Variants in PIGB observed in about 807,000 individuals in gnomAD.
The protein encoded by PIGB is phosphatidylinositol glycan anchor biosynthesis class B, also known as GPI alpha-1,2-mannosyltransferase 3.
In PIGB, 58 loss-of-function variants were observed where a neutral mutation model predicts 68.4. The observed-to-expected ratio is 0.85, with a 90% CI of 0.69 to 1.06. The LOEUF (loss-of-function observed/expected upper bound fraction) is 1.06. PIGB is among the 50% of genes least tolerant of loss of function. PIGB has a pLI of 0.00. For synonymous variants in PIGB, 219 were observed against 220.5 expected (o/e 0.99, Z 0.06); for missense variants, 634 against 655.8 (o/e 0.97, Z 0.36).
intron 4 of PIGB, among the ~76,000 whole-genome samples, chr15:55,328,781 C>A (rs1271421297): frequency 6.6e-6 from 1 of 152,146 alleles, no homozygotes; most frequent in African/African-American, 2.4e-5. Flanking sequence ...GCCTGGCCAA[C>A]ACGGTGAAAC....
chr15:55,333,785 G>A, intron 5 of PIGB, 82 bp from the exon 6 acceptor site: 2 of 1,031,684 alleles, frequency 1.9e-6, no homozygotes, highest in South Asian at 2.2e-5. Context: ...ATACCAAAAG[G>A]AAAATGTCAA....
chr15:55,321,903 G>A lies in PIGB; in HGVS notation c.417+513G>A, dbSNP rs574815709. 4.0e-5 allele frequency among the ~76,000 whole-genome samples: 6 copies of A among 148,580 alleles called. No homozygotes were observed. The East Asian group carries it at 6.2e-4, about 15-fold the overall frequency. On this transcript the variant is annotated intron_variant, in intron 3 of 11. Coordinates refer to ENST00000164305, the MANE Select transcript of PIGB (RefSeq NM_004855.5). The stretch of plus-strand genomic sequence containing the variant: ...CCGACCTGAGGTGATCTGCCCGTGC[G>A]GTGGCTCACACCTGTAATCCCAGCA...
chr15:55,345,527 G>A (rs1366348858), intron 9 of PIGB, among the ~76,000 whole-genome samples: 1 of 152,212 alleles, frequency 6.6e-6, no homozygotes, highest in Non-Finnish European at 1.5e-5. Context: ...GGGAGGCTGA[G>A]GTGGGTGGAT....
chr15:55,324,829 C>G, intron 3 of PIGB: 6 of 984,236 alleles, frequency 6.1e-6, no homozygotes, highest in Non-Finnish European at 7.2e-6. Flanking sequence ...GCAGAGTAAA[C>G]AGAAGGTATG....
chr15:55,333,851 C>A lies in PIGB; in HGVS notation c.654-16C>A. ...TTAATTTCCCACTTGTCTTATCACA[C>A]ATTTTCCTCTTATAGTGTCAAATAC... On this transcript the variant is annotated splice_polypyrimidine_tract_variant and intron_variant, in intron 5 of 11. Coordinates refer to ENST00000164305, the MANE Select transcript of PIGB (RefSeq NM_004855.5). 1 of 1,530,180 alleles carries A rather than the reference C, an allele frequency of 6.5e-7. No homozygotes were observed. The highest frequency in any genetic ancestry group is 8.8e-7 in the Non-Finnish European group (1 of 1,135,594). The allele number at this position is 1,530,180 out of a possible 1,614,324, so 94.8% of individuals were successfully genotyped here. A position where few individuals can be genotyped will look rare whatever the true frequency, so the allele number is the denominator to read the frequency against.
intron 10 of PIGB, among the ~76,000 whole-genome samples, chr15:55,352,558 G>A (rs567747643): frequency 2.1e-4 from 32 of 152,170 alleles, no homozygotes; most frequent in South Asian, 6.2e-4. Context: ...AGGCCGAGGC[G>A]GGCAGACTGC....
Position 55,354,801 on chromosome 15 carries a change from T to C in PIGB, c.1341T>C (p.His447=), listed in dbSNP as rs1201205739. 1.7e-5 allele frequency: 27 copies of C among 1,600,318 alleles called. No homozygotes were observed. Among genetic ancestry groups the C allele is most frequent in the East Asian group, 2.2e-5 (1 of 44,736 alleles). ...ATGGTAACTTTTCTTTTCATAGCCA[T>C]GTTCACTGCCCACTTCCCATGAGAT... ...MPCHSTPYYS[H]VHCPLPMRFL... The change falls in exon 11 of 12, where the codon CAT becomes CAC. Residue 447 remains histidine (H), a synonymous_variant. Transcript: ENST00000164305.
intron 1 of PIGB, 119 bp from the exon 2 acceptor site, chr15:55,320,156 G>A: frequency 1.2e-6 from 1 of 801,628 alleles, no homozygotes; most frequent in Non-Finnish European, 1.9e-6. Flanking sequence ...ATGGTGTGGA[G>A]GGACCAGAGG....
chr15:55,342,502 C>T (rs1222841192), intron 9 of PIGB, among the ~76,000 whole-genome samples: 1 of 152,200 alleles, frequency 6.6e-6, no homozygotes, highest in African/African-American at 2.4e-5. Context: ...AGCAATTCTC[C>T]TGCCTCAGCC....
intron 9 of PIGB, chr15:55,350,201 C>T (rs1244102066): frequency 6.5e-6 from 1 of 153,072 alleles, no homozygotes; most frequent in African/African-American, 2.4e-5. Context: ...CGGAAAATCT[C>T]CCAGGTGCCC....
Position 55,333,968 on chromosome 15 carries a change from G to T in PIGB, c.755G>T (p.Arg252Ile). 1 of 1,607,220 alleles carries T rather than the reference G, an allele frequency of 6.2e-7. No individual in the cohort carries two copies. Among genetic ancestry groups the T allele is most frequent in the Non-Finnish European group, 8.5e-7 (1 of 1,177,158 alleles). Residue 252 changes from arginine to isoleucine, a missense_variant, in exon 6 of 12, where the codon AGA (arginine) becomes ATA (isoleucine). Coordinates refer to ENST00000164305, the MANE Select transcript of PIGB (RefSeq NM_004855.5). Reference sequence around the variant, plus strand: ...TTCAGACATTTCTGTCAAGAACCAAGAAAGCTTGATCTTATTCTACATCAT... The same window carrying T: ...TTCAGACATTTCTGTCAAGAACCAATAAAGCTTGATCTTATTCTACATCAT... ...LLFRHFCQEP[R>I]KLDLILHHFL... is the part of the protein sequence containing the mutation.
rs2444041 is a variant in PIGB, at chr15:55,355,265, T to C, written c.1519-21T>C. Reference sequence around the variant, plus strand: ...CAGCAAAATGTAGCCTTTATTTACTTAAACATTTATTTGCTTCTAGGAAAT... The same window carrying C: ...CAGCAAAATGTAGCCTTTATTTACTCAAACATTTATTTGCTTCTAGGAAAT... On this transcript the variant is annotated intron_variant, in intron 11 of 11. Coordinates refer to ENST00000164305, the MANE Select transcript of PIGB (RefSeq NM_004855.5). 5,725 of 1,583,568 alleles carry C rather than the reference T, an allele frequency of 3.6e-3. 175 individuals are homozygous for C. In the African/African-American group the frequency reaches 0.068, roughly 19 times the overall value.
chr15:55,337,810 G>C (rs1275431186), intron 6 of PIGB, among the ~76,000 whole-genome samples: 1 of 152,102 alleles, frequency 6.6e-6, no homozygotes, highest in African/African-American at 2.4e-5. Context: ...ATACAGTGTG[G>C]TATACATAGT....
chr15:55,341,625 T>G, intron 8 of PIGB, 113 bp from the exon 9 acceptor site: 1 of 362,282 alleles, frequency 2.8e-6, no homozygotes, highest in Non-Finnish European at 4.7e-6. Context: ...GTCTGAATAC[T>G]TAGAAAATAA....
Position 55,321,424 on chromosome 15 carries a change from G to A in PIGB, c.417+34G>A, listed in dbSNP as rs757818621. 9 of 1,532,206 alleles carry A rather than the reference G, an allele frequency of 5.9e-6. No homozygotes were observed. In the East Asian group the frequency reaches 2.1e-4, roughly 37 times the overall value. 94.9% of individuals were successfully genotyped at this position (1,532,206 alleles called of 1,614,324 possible). On this transcript the variant is annotated intron_variant, in intron 3 of 11. Coordinates refer to ENST00000164305, the MANE Select transcript of PIGB (RefSeq NM_004855.5). ...AAATAAAAGTAACTAAATGATATTG[G>A]GGCCATGGAATTTGTTTTTAAAAGG...
intron 3 of PIGB, chr15:55,324,838 T>C (rs538687395): frequency 2.0e-6 from 2 of 981,050 alleles, no homozygotes; most frequent in African/African-American, 3.5e-5. Context: ...ACAGAAGGTA[T>C]GTACATGAGT....
rs758730733 is a variant in PIGB, at chr15:55,319,430, T to C, written c.163+17T>C. The C allele has an allele frequency of 6.5e-7, 1 of 1,548,688 alleles. No homozygotes were observed. Among genetic ancestry groups the C allele is most frequent in the Non-Finnish European group, 8.7e-7 (1 of 1,144,784 alleles). ...GCCGCGGGGGTGAGTGAGGGGACAC[T>C]GTCTGGAGAGCTCCTACCCCCATCT... On this transcript the variant is annotated intron_variant, in intron 1 of 11. Transcript: ENST00000164305.
At chr15:55,326,392 G>A (rs1238638464) in intron 3 of PIGB, among the ~76,000 whole-genome samples, 1 of 152,078 alleles carries the variant, frequency 6.6e-6, no homozygotes, top group Non-Finnish European at 1.5e-5. Context: ...TGCAGCCTTG[G>A]AAAATTAGTT....
intron 10 of PIGB, among the ~76,000 whole-genome samples, chr15:55,353,574 T>A (rs553120442): frequency 6.6e-6 from 1 of 152,314 alleles, no homozygotes; most frequent in Admixed American, 6.5e-5. Flanking sequence ...ATAACTGGTA[T>A]TAGAAATGAA....
Sources: allele counts gnomAD v4.1 joint callset (sites outside exome capture counted in the v4.1 genomes callset), GRCh38; gene constraint gnomAD v4.1.1; transcripts MANE v1.5; gene names NCBI Gene and HGNC (gene_info 2026-07-23, HGNC 2026-07-21).